Variants in COL5A3 observed in about 807,000 individuals in gnomAD.
The protein encoded by COL5A3 is collagen type V alpha 3 chain.
A neutral mutation model predicts 250.0 loss-of-function variants in COL5A3; 172 were observed. That is an observed-to-expected ratio of 0.69 (90% CI 0.61 to 0.78). The LOEUF is 0.78. Among genes scored for constraint, COL5A3 ranks in the 30% least tolerant of loss-of-function variants. The pLI is 0.00. For missense variants in COL5A3, 2,340 were observed against 2,334.4 expected, an observed-to-expected ratio of 1.00 and a Z score of -0.05; for synonymous variants, 937 against 900.4, an observed-to-expected ratio of 1.04 and a Z score of -0.73.
intron 27 of COL5A3, among the ~76,000 whole-genome samples, chr19:9,988,563 G>A (rs1313937554): frequency 6.6e-6 from 1 of 152,072 alleles, no homozygotes; most frequent in Admixed American, 6.6e-5. Flanking sequence ...AGGCACAGTG[G>A]CTCATGCCTG....
chr19:10,003,603 A>C lies in COL5A3; in HGVS notation c.811T>G (p.Trp271Gly). ...GAGTCAGGAGGTGGACTTGAGGTCC[A>C]AATTTCCTTGTTCTTTTTCCTGCCC... The part of the protein sequence containing the change: ...GKGRKKNKEI[W>G]TSSPPPDSAE... The change falls in exon 6 of 67, where the codon TGG becomes GGG. Residue 271 changes from tryptophan (W) to glycine (G), a missense_variant. By Grantham distance (184) the Trp-to-Gly change is radical (BLOSUM62 -2). Transcript: ENST00000264828. 6.2e-7 allele frequency: 1 copy of C among 1,614,176 alleles called. No individual in the cohort carries two copies. The highest frequency in any genetic ancestry group is 8.5e-7 in the Non-Finnish European group (1 of 1,180,034).
intron 24 of COL5A3, among the ~76,000 whole-genome samples, chr19:9,990,624 A>C (rs1042305743): frequency 2.0e-5 from 3 of 151,662 alleles, no homozygotes; most frequent in Non-Finnish European, 2.9e-5. Context: ...GTGCAGTGGC[A>C]AGATCTCGGC....
At position 9,960,322 on chromosome 19, in the gene COL5A3, G is replaced by A; in HGVS notation, c.*89C>T. On this transcript the variant is annotated 3_prime_UTR_variant, in exon 67 of 67. Transcript: ENST00000264828. The stretch of plus-strand genomic sequence containing the variant: ...CATCCCATTGGCTCCATAGTCACAG[G>A]TAACGAAAAATACGGTGGCTTCAAA... 1 of 1,506,000 alleles carries A rather than the reference G, an allele frequency of 6.6e-7. No homozygotes were observed. The allele number at this position is 1,506,000 out of a possible 1,614,324, so 93.3% of individuals were successfully genotyped here. A position where few individuals can be genotyped will look rare whatever the true frequency, so the allele number is the denominator to read the frequency against.
At position 9,991,647 on chromosome 19, in the gene COL5A3, G is replaced by A. The variant is rs1352220749; in HGVS notation, c.1955C>T (p.Pro652Leu). The change falls in exon 24 of 67, where the codon CCC becomes CTC. Residue 652 changes from proline (P) to leucine (L), a missense_variant. Pro to Leu is a moderately conservative substitution (Grantham distance 98). This residue lies in a region of COL5A3 where 1,152 missense variants were observed against 1,146.3 expected (regional missense o/e 1.00). Transcript: ENST00000264828. The part of the protein sequence containing the change: ...QQGNHGSQGL[P>L]GPQGLIGTPG... ...AGTGCCAATGAGTCCCTGGGGACCGGGGAGTCCCTGGAGACAGAAAAAGAA... is the reference window on the plus strand; with the variant it reads ...AGTGCCAATGAGTCCCTGGGGACCGAGGAGTCCCTGGAGACAGAAAAAGAA... 1.9e-6 allele frequency: 3 copies of A among 1,611,118 alleles called. No individual in the cohort carries two copies. In the East Asian group the frequency reaches 6.7e-5, roughly 36 times the overall value.
intron 21 of COL5A3, among the ~76,000 whole-genome samples, chr19:9,992,410 A>G (rs1286209692): frequency 6.7e-6 from 1 of 148,564 alleles, no homozygotes; most frequent in Non-Finnish European, 1.5e-5. Flanking sequence ...ACTCTGTCTA[A>G]AAAAAAAAAG....
In COL5A3 at chr19:10,010,429, C is replaced by T. The variant is rs1366983930; in HGVS notation, c.-44G>A. 2 of 1,281,594 alleles carry T rather than the reference C, an allele frequency of 1.6e-6. No individual in the cohort carries two copies. Among genetic ancestry groups the T allele is most frequent in the Non-Finnish European group, 2.0e-6 (2 of 993,040 alleles). The allele number at this position is 1,281,594 out of a possible 1,614,324, so 79.4% of individuals were successfully genotyped here. On this transcript the variant is annotated 5_prime_UTR_variant, in exon 1 of 67. Coordinates refer to ENST00000264828, the MANE Select transcript of COL5A3 (RefSeq NM_015719.4). ...CAAGGCGGGGAACCAGTCGGGGCGGCTGCGGGGCGCGGCGACTTCTCGGGC... is the reference window on the plus strand; with the variant it reads ...CAAGGCGGGGAACCAGTCGGGGCGGTTGCGGGGCGCGGCGACTTCTCGGGC...
rs1357757271 is a variant in COL5A3, at chr19:9,997,313, C to G, written c.1263+58G>C. On this transcript the variant is annotated intron_variant, in intron 11 of 66. Coordinates refer to ENST00000264828, the MANE Select transcript of COL5A3 (RefSeq NM_015719.4). ...TCATATCTATGTTCAGACTGTCACGCTCCCAGCCCCAAACCTCACTCCTCT... is the reference window on the plus strand; with the variant it reads ...TCATATCTATGTTCAGACTGTCACGGTCCCAGCCCCAAACCTCACTCCTCT... The G allele has an allele frequency of 6.0e-6, 8 of 1,339,442 alleles. No individual in the cohort carries two copies. The African/African-American group carries it at 8.6e-5, about 14-fold the overall frequency. The allele number at this position is 1,339,442 out of a possible 1,614,324, so 83.0% of individuals were successfully genotyped here.
rs367964673 is a variant in COL5A3, at chr19:9,968,526, C to T, written c.4207-34G>A. On this transcript the variant is annotated intron_variant, in intron 58 of 66. Transcript: ENST00000264828. This position sits in a 1 kb window ranked among gnomAD's most constrained non-coding sequence, Gnocchi z 4.1. ...CAAAAGAGGCACAGACAGGGGAGGACGTGGGAGGATTCAGGGAGGTTTTTC... is the reference window on the plus strand; with the variant it reads ...CAAAAGAGGCACAGACAGGGGAGGATGTGGGAGGATTCAGGGAGGTTTTTC... The T allele has an allele frequency of 6.1e-5, 97 of 1,578,502 alleles. No homozygotes were observed. The highest frequency in any genetic ancestry group is 1.7e-4 in the Middle Eastern group (1 of 5,934).
At chr19:9,989,596 C>T (rs1278791928) in intron 24 of COL5A3, 74 bp from the exon 25 acceptor site, 3 of 1,323,454 alleles carry the variant, frequency 2.3e-6, no homozygotes, top group Non-Finnish European at 3.1e-6. Flanking sequence ...TCTACGCAGA[C>T]ATGCAGCCGC....
chr19:10,005,501 G>C, intron 4 of COL5A3, 57 bp downstream of exon 4: 1 of 1,537,772 alleles, frequency 6.5e-7, no homozygotes, highest in Non-Finnish European at 9.0e-7. Flanking sequence ...CCAGATTCAG[G>C]CTGTAGACAA....
Position 9,997,559 on chromosome 19 carries a change from C to T in COL5A3, c.1201-126G>A, listed in dbSNP as rs1467968690. 5 of 629,614 alleles carry T rather than the reference C, an allele frequency of 7.9e-6. No individual in the cohort carries two copies. In the African/African-American group the frequency reaches 9.2e-5, roughly 12 times the overall value. The allele number at this position is 629,614 out of a possible 1,614,324, so 39.0% of individuals were successfully genotyped here. On this transcript the variant is annotated intron_variant, in intron 10 of 66. Transcript: ENST00000264828. Reference sequence around the variant, plus strand: ...CCCACTACAGAGCCACTCCAACTCCCCTAATGCAATACTGACCCCCACTCA... The same window carrying T: ...CCCACTACAGAGCCACTCCAACTCCTCTAATGCAATACTGACCCCCACTCA...
chr19:9,999,042 CTCTT>C (rs2087314569), intron 8 of COL5A3, among the ~76,000 whole-genome samples: 1 of 122,730 alleles, frequency 8.1e-6, no homozygotes, highest in Non-Finnish European at 1.7e-5. Flanking sequence ...CTTTTTCTTT[CTCTT>C]TCTTTCTCTT....
In COL5A3 at chr19:9,960,647, T is replaced by C. The variant is rs931181909; in HGVS notation, c.5091+4A>G. ...TCTAGCTGGCCACTGCCCCACCCTC[T>C]TACCCGGCAGCCATCCTGGGGGACG... On this transcript the variant is annotated splice_donor_region_variant and intron_variant, in intron 66 of 66. Transcript: ENST00000264828. 1.2e-6 allele frequency: 2 copies of C among 1,613,942 alleles called. No homozygotes were observed. The highest frequency in any genetic ancestry group is 2.2e-5 in the South Asian group (2 of 91,084).
intron 62 of COL5A3, 115 bp downstream of exon 62, chr19:9,967,232 A>T: frequency 1.5e-6 from 1 of 688,070 alleles, no homozygotes; most frequent in Non-Finnish European, 2.3e-6. Context: ...CTGAACACCT[A>T]GTGTGTGCCT....
intron 10 of COL5A3, 41 bp from the exon 11 acceptor site, chr19:9,997,474 G>C: frequency 1.4e-6 from 2 of 1,397,046 alleles, no homozygotes; most frequent in Non-Finnish European, 2.0e-6. Flanking sequence ...GAAGTGCAAA[G>C]TTTGAGCTAG....
At chr19:10,008,018 T>C (rs2087467011) in intron 1 of COL5A3, among the ~76,000 whole-genome samples, 1 of 151,146 alleles carries the variant, frequency 6.6e-6, no homozygotes. Flanking sequence ...CCCCCATCTC[T>C]AATTGCCTGT....
At position 9,966,340 on chromosome 19, in the gene COL5A3, G is replaced by T. The variant is rs757584003; in HGVS notation, c.4756C>A (p.Leu1586Ile). 1 of 1,607,000 alleles carries T rather than the reference G, an allele frequency of 6.2e-7. No individual in the cohort carries two copies. The highest frequency in any genetic ancestry group is 1.3e-5 in the African/African-American group (1 of 74,868). The change falls in exon 64 of 67, where the codon CTC (leucine) becomes ATC (isoleucine). Residue 1586 changes from leucine (L) to isoleucine (I), a missense_variant. Around this residue, in one of 3 missense-constraint regions of COL5A3, gnomAD observed 1,179 missense variants for 1,162.6 expected, o/e 1.01. Coordinates refer to ENST00000264828, the MANE Select transcript of COL5A3 (RefSeq NM_015719.4). ...ATCTCAAACTTCTTGTCGGGATAGA[G>T]GCAGGTCTCTCCTCCCGCCGTGAAG... ...CNFTAGGETCLYPDKKFEIVK... is the reference protein window; with the variant it reads ...CNFTAGGETCIYPDKKFEIVK...
chr19:10,006,558 C>A (rs779362812), intron 1 of COL5A3, among the ~76,000 whole-genome samples: 31 of 152,168 alleles, frequency 2.0e-4, no homozygotes, highest in Non-Finnish European at 3.4e-4. Context: ...GTCCCCCTCT[C>A]CCTGCTCTCC....
At position 10,005,859 on chromosome 19, in the gene COL5A3, G is replaced by C. The variant is rs556911692; in HGVS notation, c.374C>G (p.Ala125Gly). The change falls in exon 3 of 67, where the codon GCG becomes GGG. Residue 125 changes from alanine (A) to glycine (G), a missense_variant. Physicochemically the swap from Ala to Gly is moderately conservative, Grantham distance 60 (BLOSUM62 0). This residue lies in a region of COL5A3 where 1,152 missense variants were observed against 1,146.3 expected (regional missense o/e 1.00). Transcript: ENST00000264828. ...GAAGGGGTCACCTAGGAGACCCAGC[G>C]CTGGCCCCAGTGCCAGGCCCAACTG... ...ARQLGLALGPALGLLGDPFRP... is the reference protein window; with the variant it reads ...ARQLGLALGPGLGLLGDPFRP... 3 of 1,613,686 alleles carry C rather than the reference G, an allele frequency of 1.9e-6. No individual in the cohort carries two copies. In the East Asian group the frequency reaches 6.7e-5, roughly 36 times the overall value.
Sources: gnomAD v4.1 joint callset for allele counts (sites outside exome capture counted in the v4.1 genomes callset) on GRCh38, gnomAD v4.1.1 for gene constraint, gnomAD v4.1.1 regional missense constraint, Gnocchi (gnomAD v3.1) non-coding constraint, MANE v1.5 for transcripts, NCBI Gene and HGNC (gene_info 2026-07-23, HGNC 2026-07-21) for gene names.